RBM12: variants seen among roughly 807,000 people sequenced by gnomAD.
RBM12 encodes RNA binding motif protein 12.
RBM12 carries 24 observed loss-of-function variants against 37.2 expected under a neutral mutation model. The ratio of observed to expected loss-of-function variants is 0.65; its 90% CI spans 0.47 to 0.91. RBM12 has a LOEUF of 0.91. Among genes scored for constraint, RBM12 ranks in the 40% least tolerant of loss-of-function variants. The probability of loss-of-function intolerance (pLI) is 0.00; values close to 1 mark genes in which losing one functional copy is unlikely to be tolerated. For missense variants in RBM12, 1,061 were observed against 1,183.2 expected (o/e 0.90, Z 1.52); for synonymous variants, 420 against 425.2 (o/e 0.99, Z 0.15).
rs2034134051 is a variant in RBM12 at position 35,659,877 on chromosome 20, T to G, written c.-107-863A>C. ...TTATTTTTTTTCAAAGGTCATGTTT[T>G]AATTCGGAGAGAGAAGAAATTTGCC... On this transcript the variant is annotated intron_variant, in intron 1 of 2. Transcript: ENST00000374114. Among the ~76,000 whole-genome samples, 4 of 152,204 alleles carry G rather than the reference T, an allele frequency of 2.6e-5. No homozygotes were observed. In the South Asian group the frequency reaches 8.3e-4, roughly 31 times the overall value.
Position 35,654,886 on chromosome 20 carries a change from T to G in RBM12, c.437A>C (p.Asn146Thr). ...GCTGGCTGTGGAAAATGTCTGTATG[T>G]TTTTGTTGCTTTCATGAACAGAAGT... Reference protein sequence around the residue: ...ATTSVHESNKNIQTFSTASVG... With the variant: ...ATTSVHESNKTIQTFSTASVG... The change falls in exon 3 of 3, where the codon AAC becomes ACC. Residue 146 changes from asparagine to threonine, a missense_variant. By Grantham distance (65) the Asn-to-Thr change is moderately conservative. This residue lies in a region of RBM12 where 540 missense variants were observed against 632.7 expected (regional missense o/e 0.85). Coordinates refer to ENST00000374114, the MANE Select transcript of RBM12 (RefSeq NM_006047.6). 1 of 1,614,044 alleles carries G rather than the reference T, an allele frequency of 6.2e-7. No homozygotes were observed. Among genetic ancestry groups the G allele is most frequent in the Non-Finnish European group, 8.5e-7 (1 of 1,179,932 alleles).
At position 35,653,061 on chromosome 20, in the gene RBM12, C is replaced by A. The variant is rs778133307; in HGVS notation, c.2262G>T (p.Met754Ile). The change falls in exon 3 of 3, where the codon ATG becomes ATT. Residue 754 changes from methionine to isoleucine, a missense_variant. This residue lies in a region of RBM12 where 517 missense variants were observed against 534.0 expected (regional missense o/e 0.97). Transcript: ENST00000374114. ...GGAFGDARPG[M>I]PSVGNSGLPG... is the part of the protein sequence containing the mutation. Reference sequence around the variant, plus strand: ...GCAAACCACTGTTTCCAACTGAAGGCATACCAGGCCTAGCATCACCAAAGG... The same window carrying A: ...GCAAACCACTGTTTCCAACTGAAGGAATACCAGGCCTAGCATCACCAAAGG... 6.2e-7 allele frequency: 1 copy of A among 1,613,954 alleles called. No homozygotes were observed. Among genetic ancestry groups the A allele is most frequent in the Non-Finnish European group, 8.5e-7 (1 of 1,180,038 alleles).
chr20:35,663,363 C>G (rs1243039013), intron 1 of RBM12, among the ~76,000 whole-genome samples: 1 of 152,220 alleles, frequency 6.6e-6, no homozygotes, highest in Admixed American at 6.5e-5. Context: ...AGGTCCCAGA[C>G]AATTCTTGTT....
intron 1 of RBM12, among the ~76,000 whole-genome samples, chr20:35,662,263 T>A (rs2034273050): frequency 6.6e-6 from 1 of 152,226 alleles, no homozygotes; most frequent in Non-Finnish European, 1.5e-5. Flanking sequence ...AACAAAAATG[T>A]TGCTACCTTC....
chr20:35,655,286 C>T lies in RBM12; in HGVS notation c.37G>A (p.Val13Met). The part of the protein sequence containing the change: ...VVIRLQGLPI[V>M]AGTMDIRHFF... ...TGGCGAATGTCCATGGTCCCCGCCA[C>T]AATTGGGAGACCTTGCAAACGGATG... The change falls in exon 3 of 3, where the codon GTG becomes ATG. Residue 13 changes from valine (V) to methionine (M), a missense_variant. Coordinates refer to ENST00000374114, the MANE Select transcript of RBM12 (RefSeq NM_006047.6). 1 of 1,612,138 alleles carries T rather than the reference C, an allele frequency of 6.2e-7. No homozygotes were observed. Among genetic ancestry groups the T allele is most frequent in the Non-Finnish European group, 8.5e-7 (1 of 1,179,946 alleles).
chr20:35,654,793 C>T lies in RBM12; in HGVS notation c.530G>A (p.Ser177Asn). Residue 177 changes from serine to asparagine, a missense_variant, in exon 3 of 3, where the codon AGC (serine) becomes AAC (asparagine). Ser to Asn is a conservative substitution (Grantham distance 46, BLOSUM62 1). Transcript: ENST00000374114. The stretch of plus-strand genomic sequence containing the variant: ...GACTGTGTTCATTGGAGAGGCTGTG[C>T]TTGGAACAGTTGAGCTAAACGTTGG... ...GSPTFSSTVP[S>N]TASPMNTVPP... The T allele has an allele frequency of 2.5e-6, 4 of 1,614,148 alleles. No individual in the cohort carries two copies. Among genetic ancestry groups the T allele is most frequent in the Middle Eastern group, 1.6e-4 (1 of 6,062 alleles).
chr20:35,661,022 C>G (rs2034203931), intron 1 of RBM12, among the ~76,000 whole-genome samples: 1 of 152,150 alleles, frequency 6.6e-6, no homozygotes, highest in African/African-American at 2.4e-5. Flanking sequence ...TTGACAAATG[C>G]CTAGTTCAAG....
chr20:35,651,887 T>A lies in RBM12; in HGVS notation c.*637A>T, dbSNP rs542696852. On this transcript the variant is annotated 3_prime_UTR_variant, in exon 3 of 3. Coordinates refer to ENST00000374114, the MANE Select transcript of RBM12 (RefSeq NM_006047.6). ...CACAAACGAAGTGTGGACTTTTATATTTAGGGAAAAAAACCAACAAAACAG... is the reference window on the plus strand; with the variant it reads ...CACAAACGAAGTGTGGACTTTTATAATTAGGGAAAAAAACCAACAAAACAG... 1.3e-5 allele frequency: 2 copies of A among 152,688 alleles called. No individual in the cohort carries two copies. Among genetic ancestry groups the A allele is most frequent in the African/African-American group, 4.8e-5 (2 of 41,558 alleles). The allele number at this position is 152,688 out of a possible 1,614,324, so 9.5% of individuals were successfully genotyped here.
At chr20:35,662,346 C>A (rs1403758429) in intron 1 of RBM12, among the ~76,000 whole-genome samples, 2 of 152,212 alleles carry the variant, frequency 1.3e-5, no homozygotes, top group African/African-American at 2.4e-5. Context: ...GTCTTAAAAG[C>A]TGGCTTTAAA....
chr20:35,657,841 A>G (rs1001271224), intron 2 of RBM12, among the ~76,000 whole-genome samples: 3 of 152,090 alleles, frequency 2.0e-5, no homozygotes, highest in Non-Finnish European at 2.9e-5. Context: ...TGGGTGGATC[A>G]CCCGAGGTCA....
chr20:35,662,043 C>T (rs1377018985), intron 1 of RBM12, among the ~76,000 whole-genome samples: 1 of 152,150 alleles, frequency 6.6e-6, no homozygotes, highest in Non-Finnish European at 1.5e-5. Context: ...GTTCCCCATT[C>T]CCAAATGGAC....
intron 1 of RBM12, among the ~76,000 whole-genome samples, chr20:35,660,006 C>T (rs1242541788): frequency 1.3e-5 from 2 of 152,098 alleles, no homozygotes; most frequent in Non-Finnish European, 2.9e-5. Flanking sequence ...TAATATTCAT[C>T]GCCAAAAAGT....
rs530423209 is a variant in RBM12, at chr20:35,653,206, G to A, written c.2117C>T (p.Ala706Val). The A allele has an allele frequency of 6.2e-7, 1 of 1,613,388 alleles. No homozygotes were observed. Among genetic ancestry groups the A allele is most frequent in the Non-Finnish European group, 8.5e-7 (1 of 1,180,000 alleles). The change falls in exon 3 of 3, where the codon GCC becomes GTC. Residue 706 changes from alanine (A) to valine (V), a missense_variant. Ala to Val is a moderately conservative substitution (Grantham distance 64, BLOSUM62 0). This residue lies in a region of RBM12 where 517 missense variants were observed against 534.0 expected (regional missense o/e 0.97). Coordinates refer to ENST00000374114, the MANE Select transcript of RBM12 (RefSeq NM_006047.6). ...TTCCTTTGATCCTACAGTCAGGAAG[G>A]CATGCTCTTCACCTCCTGCACTAGG... ...GIPSAGGEEH[A>V]FLTVGSKEAN... is the part of the protein sequence containing the mutation.
intron 1 of RBM12, among the ~76,000 whole-genome samples, chr20:35,663,782 C>A (rs1445637478): frequency 6.6e-6 from 1 of 152,210 alleles, no homozygotes; most frequent in Non-Finnish European, 1.5e-5. Context: ...GCTAAGCCTG[C>A]TGCACTGGCG....
In RBM12 at chr20:35,653,559, T is replaced by C; in HGVS notation, c.1764A>G (p.Ala588=). 2 of 1,614,244 alleles carry C rather than the reference T, an allele frequency of 1.2e-6. No individual in the cohort carries two copies. The highest frequency in any genetic ancestry group is 1.7e-6 in the Non-Finnish European group (2 of 1,180,038). ...CATCTTCATTTTTAAACTGAACCAA[T>C]GCCTGTCCTAGACCTTGCCCATTGT... is the stretch of plus-strand genomic sequence containing the variant. ...VDNNGQGLGQ[A]LVQFKNEDDA... Residue 588 remains alanine, a synonymous_variant, in exon 3 of 3, where the codon GCA becomes GCG. Transcript: ENST00000374114.
intron 2 of RBM12, among the ~76,000 whole-genome samples, chr20:35,657,408 G>A (rs1477934234): frequency 3.9e-5 from 6 of 152,058 alleles, no homozygotes; most frequent in South Asian, 4.1e-4. Context: ...TTCAAAAAAC[G>A]GTTAATCACT....
rs2033481899 is a variant in RBM12, at chr20:35,651,096, A to G, written c.*1428T>C. On this transcript the variant is annotated 3_prime_UTR_variant, in exon 3 of 3. Coordinates refer to ENST00000374114, the MANE Select transcript of RBM12 (RefSeq NM_006047.6). ...GTTTTTCATCACAAGGAAAGTAACC[A>G]TAATTAGAGCCTTTTATGACAGTGA... 6.6e-6 allele frequency: 1 copy of G among 152,242 alleles called. No homozygotes were observed. Among genetic ancestry groups the G allele is most frequent in the Non-Finnish European group, 1.5e-5 (1 of 68,014 alleles). The allele number at this position is 152,242 out of a possible 1,614,324, so 9.4% of individuals were successfully genotyped here.
intron 1 of RBM12, among the ~76,000 whole-genome samples, chr20:35,662,052 A>G (rs1568946535): frequency 1.3e-5 from 2 of 152,214 alleles, no homozygotes; most frequent in Non-Finnish European, 2.9e-5. Flanking sequence ...TCCCAAATGG[A>G]CCATATATCA....
Position 35,655,075 on chromosome 20 carries a change from A to G in RBM12, c.248T>C (p.Ile83Thr). 1 of 1,614,168 alleles carries G rather than the reference A, an allele frequency of 6.2e-7. No homozygotes were observed. The highest frequency in any genetic ancestry group is 8.5e-7 in the Non-Finnish European group (1 of 1,180,038). ...LSSKTEMQNM[I>T]ELSRRRFETA... ...TTCAAAACGCCTACGACTCAGTTCAATCATATTCTGCATTTCCGTCTTACT... is the reference window on the plus strand; with the variant it reads ...TTCAAAACGCCTACGACTCAGTTCAGTCATATTCTGCATTTCCGTCTTACT... The change falls in exon 3 of 3, where the codon ATT becomes ACT. Residue 83 changes from isoleucine to threonine, a missense_variant. By Grantham distance (89) the Ile-to-Thr change is moderately conservative (BLOSUM62 -1). This residue lies in a region of RBM12 where 540 missense variants were observed against 632.7 expected (regional missense o/e 0.85). Transcript: ENST00000374114.
Sources: gnomAD v4.1 joint callset for allele counts (sites outside exome capture counted in the v4.1 genomes callset) on GRCh38, gnomAD v4.1.1 for gene constraint, gnomAD v4.1.1 regional missense constraint, MANE v1.5 for transcripts, NCBI Gene and HGNC (gene_info 2026-07-23, HGNC 2026-07-21) for gene names.